The following DDX19B variants were observed in gnomAD, a reference collection of about 807,000 sequenced individuals.
The protein encoded by DDX19B is DEAD-box helicase 19B.
In DDX19B, 27 loss-of-function variants were observed where a neutral mutation model predicts 58.1. The observed-to-expected ratio is 0.46, with a 90% CI of 0.34 to 0.64. DDX19B has a LOEUF of 0.64. Ranked by LOEUF, DDX19B falls within the 30% of genes least tolerant of loss-of-function variation. The probability of loss-of-function intolerance (pLI) is 0.01; values close to 1 mark genes in which losing one functional copy is unlikely to be tolerated. For missense variants in DDX19B, 399 were observed against 596.5 expected (o/e 0.67, Z 3.45); for synonymous variants, 187 against 214.4 (o/e 0.87, Z 1.12).
upstream of DDX19B, among the ~76,000 whole-genome samples, chr16:70,293,704 T>C (rs887427935): frequency 4.8e-5 from 7 of 144,604 alleles, no homozygotes; most frequent in African/African-American, 1.0e-4. Context: ...CTCCGCTTCC[T>C]GGGTTCACGC....
At chr16:70,333,423 T>G (rs1271858233) in intron 11 of DDX19B, 98 bp from the exon 12 acceptor site, 4 of 1,579,702 alleles carry the variant, frequency 2.5e-6, no homozygotes, top group Admixed American at 1.7e-5. Context: ...GCCCCCTGCT[T>G]AGGCACCCGG....
intron 5 of DDX19B, among the ~76,000 whole-genome samples, chr16:70,322,960 C>T (rs1962928164): frequency 6.6e-6 from 1 of 151,454 alleles, no homozygotes. Context: ...TAAAATTCCA[C>T]CTGTGGCCGG....
intron 4 of DDX19B, among the ~76,000 whole-genome samples, chr16:70,316,394 G>C (rs1372654024): frequency 6.6e-6 from 1 of 152,110 alleles, no homozygotes; most frequent in Non-Finnish European, 1.5e-5. Context: ...ATTTGTAGTA[G>C]AGATGGGGTT....
chr16:70,329,960 C>T lies in DDX19B; in HGVS notation c.915C>T (p.Asp305=), dbSNP rs753459233. 87 of 1,614,074 alleles carry T rather than the reference C, an allele frequency of 5.4e-5. No homozygotes were observed. Among genetic ancestry groups the T allele is most frequent in the East Asian group, 1.3e-4 (6 of 44,898 alleles). The part of the protein sequence containing the change: ...IKLKREEETL[D]TIKQYYVLCS... ...TGAAGCGTGAGGAAGAGACCCTGGACACCATCAAGCAGTACTATGTCCTGT... is the reference window on the plus strand; with the variant it reads ...TGAAGCGTGAGGAAGAGACCCTGGATACCATCAAGCAGTACTATGTCCTGT... The change falls in exon 9 of 12, where the codon GAC becomes GAT. Residue 305 remains aspartate (D), a synonymous_variant. Coordinates refer to ENST00000288071, the MANE Select transcript of DDX19B (RefSeq NM_007242.7).
At chr16:70,319,140 G>A (rs973994867) in intron 5 of DDX19B, among the ~76,000 whole-genome samples, 1 of 152,026 alleles carries the variant, frequency 6.6e-6, no homozygotes, top group Non-Finnish European at 1.5e-5. Flanking sequence ...TATAAATAAT[G>A]TTTTACATGC....
upstream of DDX19B, among the ~76,000 whole-genome samples, chr16:70,290,535 A>AG (rs1961033917): frequency 6.6e-6 from 1 of 152,094 alleles, no homozygotes; most frequent in African/African-American, 2.4e-5. Context: ...CAAAAAAAAA[A>AG]ATAAAAAATA....
chr16:70,317,704 A>G, intron 5 of DDX19B, 116 bp downstream of exon 5: 1 of 806,196 alleles, frequency 1.2e-6, no homozygotes, highest in Non-Finnish European at 1.9e-6. Context: ...CCTGAGAGGC[A>G]AGGCAGGAGG....
intron 7 of DDX19B, among the ~76,000 whole-genome samples, chr16:70,327,052 T>G (rs1253336046): frequency 1.3e-5 from 2 of 151,088 alleles, no homozygotes; most frequent in Non-Finnish European, 3.0e-5. Flanking sequence ...GCCAGGATGG[T>G]CTCTATCTGC....
rs569960331 is a variant in DDX19B at position 70,304,653 on chromosome 16, G to A, written c.57+5299G>A. The stretch of plus-strand genomic sequence containing the variant: ...CTCCCAAAGTGCTGGGATTACAGGC[G>A]TGAACCACCACTCCTGGCCAGAGCT... On this transcript the variant is annotated intron_variant, in intron 1 of 11. Coordinates refer to ENST00000288071, the MANE Select transcript of DDX19B (RefSeq NM_007242.7). 1.0e-3 allele frequency among the ~76,000 whole-genome samples: 157 copies of A among 152,254 alleles called. 1 individual carries two copies. In the South Asian group the frequency reaches 0.015, roughly 14 times the overall value.
rs544694795 is a variant in DDX19B, at chr16:70,312,253, G to A, written c.58-356G>A. Among the ~76,000 whole-genome samples, 159 of 152,092 alleles carry A rather than the reference G, an allele frequency of 1.0e-3. 1 individual carries two copies. The highest frequency in any genetic ancestry group is 3.6e-3 in the African/African-American group (148 of 41,470). ...TTTGAAATATGATTTGGAATGCAGCGATTCCCCCCCACACACAAAAGAAAT... is the reference window on the plus strand; with the variant it reads ...TTTGAAATATGATTTGGAATGCAGCAATTCCCCCCCACACACAAAAGAAAT... On this transcript the variant is annotated intron_variant, in intron 1 of 11. Transcript: ENST00000288071.
intron 1 of DDX19B, among the ~76,000 whole-genome samples, chr16:70,311,487 G>A (rs909497749): frequency 2.6e-5 from 4 of 152,188 alleles, no homozygotes; most frequent in South Asian, 2.1e-4. Context: ...TTCCTGTGGG[G>A]TAGCCCTGCT....
chr16:70,312,823 G>C (rs1962161292), intron 2 of DDX19B, among the ~76,000 whole-genome samples, 166 bp downstream of exon 2: 1 of 152,020 alleles, frequency 6.6e-6, no homozygotes, highest in Non-Finnish European at 1.5e-5. Context: ...TATGACCAAA[G>C]TGTTTTTATT....
At chr16:70,300,381 T>C (rs371714402) in intron 1 of DDX19B, among the ~76,000 whole-genome samples, 106 of 151,406 alleles carry the variant, frequency 7.0e-4, no homozygotes, top group Admixed American at 7.2e-4. Flanking sequence ...ACTTTTTGTA[T>C]TTTTTTTGTA....
At chr16:70,322,891 CAAAA>C (rs113261271) in intron 5 of DDX19B, among the ~76,000 whole-genome samples, 3 of 48,166 alleles carry the variant, frequency 6.2e-5, no homozygotes, top group African/African-American at 1.4e-4. Context: ...AACTCCGTTG[CAAAA>C]AAAAAAAAAA....
intron 4 of DDX19B, 93 bp from the exon 5 acceptor site, chr16:70,317,403 T>C (rs1285617083): frequency 2.1e-6 from 2 of 940,062 alleles, no homozygotes; most frequent in Non-Finnish European, 3.2e-6. Context: ...CAAAAAACTA[T>C]GTGTAAACAG....
At chr16:70,314,452 A>G (rs1962259255) in intron 2 of DDX19B, among the ~76,000 whole-genome samples, 1 of 151,854 alleles carries the variant, frequency 6.6e-6, no homozygotes. Context: ...CACGAGGTCA[A>G]GAGATCAAGA....
chr16:70,295,155 C>G, upstream of DDX19B: 1 of 1,004,986 alleles, frequency 1.0e-6, no homozygotes, highest in Non-Finnish European at 1.3e-6. Flanking sequence ...AATCCAGATG[C>G]TCTTATTCCC....
chr16:70,314,597 G>C (rs1014107660), intron 2 of DDX19B, among the ~76,000 whole-genome samples: 2 of 152,114 alleles, frequency 1.3e-5, no homozygotes, highest in Non-Finnish European at 2.9e-5. Flanking sequence ...CTGGGAGGCA[G>C]AGCTTGTAGT....
rs1029612929 is a variant in DDX19B, at chr16:70,333,432, G to A, written c.1379-89G>A. ...CCTGCTGCCCCCTGCTTAGGCACCC[G>A]GAGCCTTTGGGGCTGAATGAATGAT... is the stretch of plus-strand genomic sequence containing the variant. On this transcript the variant is annotated intron_variant, in intron 11 of 11. Transcript: ENST00000288071. The A allele has an allele frequency of 1.1e-5, 17 of 1,602,074 alleles. No individual in the cohort carries two copies. In the Admixed American group the frequency reaches 1.2e-4, roughly 11 times the overall value.
Sources: allele counts gnomAD v4.1 joint callset (sites outside exome capture counted in the v4.1 genomes callset), GRCh38; gene constraint gnomAD v4.1.1; transcripts MANE v1.5; gene names NCBI Gene and HGNC (gene_info 2026-07-23, HGNC 2026-07-21).